The following BRD1 variants were observed in gnomAD, a reference collection of about 807,000 sequenced individuals.
BRD1 encodes the protein bromodomain-containing protein 1.
A neutral mutation model predicts 107.7 loss-of-function variants in BRD1; 24 were observed. That is an observed-to-expected ratio of 0.22 (90% CI 0.16 to 0.31). BRD1 has a LOEUF of 0.31. Among genes scored for constraint, BRD1 ranks in the 10% least tolerant of loss-of-function variants. BRD1 has a pLI of 1.00. For synonymous variants in BRD1, 744 were observed against 686.1 expected, an observed-to-expected ratio of 1.08 and a Z score of -1.32; for missense variants, 1,279 against 1,638.6, an observed-to-expected ratio of 0.78 and a Z score of 3.79.
Position 49,804,214 on chromosome 22 carries a change from C to T in BRD1, c.1514G>A (p.Ser505Asn), listed in dbSNP as rs34675972. The T allele has an allele frequency of 3.6e-5, 58 of 1,593,564 alleles. No individual in the cohort carries two copies. In the African/African-American group the frequency reaches 6.7e-4, roughly 18 times the overall value. ...CCACGAGCCACGTACCTGCTGTGAG[C>T]TTCGCTGAGACTGCAGGCTGGACTG... ...RLQSSLQSQR[S>N]SQQRENDEEM... The change falls in exon 3 of 13, where the codon AGC becomes AAC. Residue 505 changes from serine (S) to asparagine (N), a missense_variant. Around this residue, in one of 7 missense-constraint regions of BRD1, gnomAD observed 406 missense variants for 519.4 expected, o/e 0.78. Coordinates refer to ENST00000404760, the MANE Select transcript of BRD1 (RefSeq NM_001304808.3).
intron 8 of BRD1, among the ~76,000 whole-genome samples, chr22:49,786,544 A>G (rs977250788): frequency 3.3e-5 from 5 of 152,234 alleles, no homozygotes; most frequent in Non-Finnish European, 5.9e-5. Context: ...TGTGGCTAAG[A>G]GGGCCACATA....
chr22:49,812,690 G>A (rs1281340380), intron 2 of BRD1, among the ~76,000 whole-genome samples: 1 of 152,210 alleles, frequency 6.6e-6, no homozygotes. Flanking sequence ...ACTAATGTCG[G>A]GAGGACTCTA....
At position 49,777,730 on chromosome 22, in the gene BRD1, A is replaced by G; in HGVS notation, c.2941T>C (p.Cys981Arg). 6.2e-7 allele frequency: 1 copy of G among 1,607,790 alleles called. No individual in the cohort carries two copies. The highest frequency in any genetic ancestry group is 8.5e-7 in the Non-Finnish European group (1 of 1,178,248). ...LGRKATPRRRCASESSISSSN... is the reference protein window; with the variant it reads ...LGRKATPRRRRASESSISSSN... ...GAGGAGATGCTGGACTCGGAGGCACAGCGTCGTCGGGGTGTGGCCTTCCTC... is the reference window on the plus strand; with the variant it reads ...GAGGAGATGCTGGACTCGGAGGCACGGCGTCGTCGGGGTGTGGCCTTCCTC... Residue 981 changes from cysteine to arginine, a missense_variant, in exon 9 of 13, where the codon TGT (cysteine) becomes CGT (arginine). This residue lies in a region of BRD1 where 263 missense variants were observed against 251.6 expected (regional missense o/e 1.05). Coordinates refer to ENST00000404760, the MANE Select transcript of BRD1 (RefSeq NM_001304808.3).
chr22:49,789,817 C>T (rs906625759), intron 7 of BRD1, among the ~76,000 whole-genome samples: 14 of 152,224 alleles, frequency 9.2e-5, no homozygotes, highest in African/African-American at 3.4e-4. Flanking sequence ...CCCTGCCTTG[C>T]AGCAGGCCCT....
chr22:49,773,985 T>C lies in BRD1; in HGVS notation c.*248A>G. 2.6e-6 allele frequency: 1 copy of C among 380,488 alleles called. No homozygotes were observed. Among genetic ancestry groups the C allele is most frequent in the Admixed American group, 4.5e-5 (1 of 22,326 alleles). 23.6% of individuals were successfully genotyped at this position (380,488 alleles called of 1,614,324 possible). Reference sequence around the variant, plus strand: ...AGAAAAAGCTACATATCAAAGAAAGTGACGCCAGCAGCACGGCCTGGGGAC... The same window carrying C: ...AGAAAAAGCTACATATCAAAGAAAGCGACGCCAGCAGCACGGCCTGGGGAC... On this transcript the variant is annotated 3_prime_UTR_variant, in exon 13 of 13. Coordinates refer to ENST00000404760, the MANE Select transcript of BRD1 (RefSeq NM_001304808.3).
At chr22:49,820,261 T>C (rs762863212) in intron 2 of BRD1, among the ~76,000 whole-genome samples, 1 of 152,248 alleles carries the variant, frequency 6.6e-6, no homozygotes, top group Non-Finnish European at 1.5e-5. Context: ...AGGAAGATCC[T>C]CTTTCTCTAA....
intron 1 of BRD1, among the ~76,000 whole-genome samples, chr22:49,826,859 T>C (rs886956086): frequency 6.6e-5 from 10 of 152,126 alleles, no homozygotes; most frequent in African/African-American, 2.4e-4. Flanking sequence ...AACTCCCGCG[T>C]CCGCTCACAA....
intron 2 of BRD1, among the ~76,000 whole-genome samples, chr22:49,813,662 T>C (rs1447402267): frequency 1.3e-5 from 2 of 151,492 alleles, no homozygotes. Flanking sequence ...CGAAACCCCA[T>C]CTCTACTAAA....
At chr22:49,799,214 C>T (rs534687449) in intron 3 of BRD1, 95 bp from the exon 4 acceptor site, 38 of 1,499,760 alleles carry the variant, frequency 2.5e-5, no homozygotes, top group East Asian at 2.1e-4. Context: ...GAGGCATCCA[C>T]GTCAGGGGTC....
Position 49,787,535 on chromosome 22 carries a change from T to C in BRD1, c.2712A>G (p.Pro904=). The C allele has an allele frequency of 6.2e-7, 1 of 1,609,618 alleles. No homozygotes were observed. Among genetic ancestry groups the C allele is most frequent in the East Asian group, 2.2e-5 (1 of 44,592 alleles). Residue 904 remains proline, a synonymous_variant, in exon 8 of 13, where the codon CCA becomes CCG. Coordinates refer to ENST00000404760, the MANE Select transcript of BRD1 (RefSeq NM_001304808.3). ...PKSAKNTETQ[P]TSPQLGTKTF... ...TTTTGGTCCCTAGCTGAGGAGAAGT[T>C]GGCTGGGTTTCAGTGTTCTTGGCAG...
intron 12 of BRD1, 48 bp downstream of exon 12, chr22:49,775,543 C>A: frequency 7.4e-7 from 1 of 1,347,318 alleles, no homozygotes; most frequent in Non-Finnish European, 9.6e-7. Flanking sequence ...AGCCCACGGC[C>A]CCCAACCACC....
chr22:49,796,867 G>A (rs1474232927), intron 6 of BRD1, among the ~76,000 whole-genome samples: 5 of 152,376 alleles, frequency 3.3e-5, no homozygotes, highest in African/African-American at 1.2e-4. Context: ...TGGCGGGAAC[G>A]TGGAAGAGAG....
In BRD1 at chr22:49,823,022, C is replaced by G; in HGVS notation, c.1296G>C (p.Lys432Asn). Residue 432 changes from lysine (K) to asparagine (N), a missense_variant, in exon 2 of 13, where the codon AAG becomes AAC. Physicochemically the swap from Lys to Asn is moderately conservative, Grantham distance 94. This residue lies in a region of BRD1 where 87 missense variants were observed against 77.1 expected (regional missense o/e 1.13). Coordinates refer to ENST00000404760, the MANE Select transcript of BRD1 (RefSeq NM_001304808.3). Reference protein sequence around the residue: ...STSKVRKKAKKAKKALAEPCA... With the variant: ...STSKVRKKAKNAKKALAEPCA... Reference sequence around the variant, plus strand: ...AGGGCTCAGCCAGAGCTTTCTTAGCCTTTTTTGCCTTCTTCCTGACCTTGG... The same window carrying G: ...AGGGCTCAGCCAGAGCTTTCTTAGCGTTTTTTGCCTTCTTCCTGACCTTGG... The G allele has an allele frequency of 6.2e-7, 1 of 1,614,232 alleles. No individual in the cohort carries two copies. Among genetic ancestry groups the G allele is most frequent in the Non-Finnish European group, 8.5e-7 (1 of 1,180,044 alleles).
At position 49,777,639 on chromosome 22, in the gene BRD1, GGAGCTGCGTGGTGGGAAGCGC is replaced by G; in HGVS notation, c.2993+18_2993+38del. 6.3e-7 allele frequency: 1 copy of G among 1,588,556 alleles called. No homozygotes were observed. The highest frequency in any genetic ancestry group is 8.5e-7 in the Non-Finnish European group (1 of 1,170,778). Reference sequence around the variant, plus strand: ...CAGCCAGGCGGGGCGGGCGGTGCTGGGAGCTGCGTGGTGGGAAGCGCAGGGCCGCGGTGCCCACCTCGAGTC... The same window carrying G: ...CAGCCAGGCGGGGCGGGCGGTGCTGGAGGGCCGCGGTGCCCACCTCGAGTC... On this transcript the variant is annotated intron_variant, in intron 9 of 12. Transcript: ENST00000404760.
Position 49,776,152 on chromosome 22 carries a change from G to A in BRD1, c.3129C>T (p.Gly1043=). 1 of 1,604,118 alleles carries A rather than the reference G, an allele frequency of 6.2e-7. No individual in the cohort carries two copies. The highest frequency in any genetic ancestry group is 8.5e-7 in the Non-Finnish European group (1 of 1,179,664). ...AKAARIAAEV[G]QSSMWISTDA... ...CAGTGGAGATCCACATGCTGCTCTG[G>A]CCGACTTCTGCGGAGAGGGGCGTCA... Residue 1043 remains glycine (G), a synonymous_variant, in exon 11 of 13, where the codon GGC becomes GGT. Coordinates refer to ENST00000404760, the MANE Select transcript of BRD1 (RefSeq NM_001304808.3).
rs1569113184 is a variant in BRD1, at chr22:49,799,072, G to A, written c.1572C>T (p.Tyr524=). Residue 524 remains tyrosine (Y), a synonymous_variant, in exon 4 of 13, where the codon TAC becomes TAT. Transcript: ENST00000404760. ...EMKAAKEKLK[Y]WQRLRHDLER... ...CCAGGTCGTGCCGCAGCCGCTGCCA[G>A]TACTTCAGCTTCTCTTTGGCAGCCT... 2 of 1,610,994 alleles carry A rather than the reference G, an allele frequency of 1.2e-6. No individual in the cohort carries two copies. The highest frequency in any genetic ancestry group is 1.1e-5 in the South Asian group (1 of 91,086).
intron 2 of BRD1, among the ~76,000 whole-genome samples, chr22:49,819,668 C>T (rs2060026030): frequency 6.6e-6 from 1 of 150,548 alleles, no homozygotes; most frequent in Non-Finnish European, 1.5e-5. Context: ...CCAGGCTGGT[C>T]TCGAACTCCT....
rs534041206 is a variant in BRD1 at position 49,807,224 on chromosome 22, A to G, written c.1368-2864T>C. 9 of 152,350 alleles carry G rather than the reference A, an allele frequency of 5.9e-5. No homozygotes were observed. In the South Asian group the frequency reaches 1.2e-3, roughly 21 times the overall value. The allele number at this position is 152,350 out of a possible 1,614,324, so 9.4% of individuals were successfully genotyped here. A position where few individuals can be genotyped will look rare whatever the true frequency, so the allele number is the denominator to read the frequency against. ...CCACCGAAAGTGATCTACAGATCCAATGCAATTCCTATCAAAATACCAATG... is the reference window on the plus strand; with the variant it reads ...CCACCGAAAGTGATCTACAGATCCAGTGCAATTCCTATCAAAATACCAATG... On this transcript the variant is annotated intron_variant, in intron 2 of 12. Transcript: ENST00000404760.
At position 49,773,895 on chromosome 22, in the gene BRD1, T is replaced by G. The variant is rs564609750; in HGVS notation, c.*338A>C. The G allele has an allele frequency of 9.4e-4, 182 of 193,828 alleles. No individual in the cohort carries two copies. The highest frequency in any genetic ancestry group is 1.7e-3 in the Middle Eastern group (1 of 580). The allele number at this position is 193,828 out of a possible 1,614,324, so 12.0% of individuals were successfully genotyped here. The stretch of plus-strand genomic sequence containing the variant: ...ATTGTAAATTTACATCCCGTCTTAT[T>G]AAATAAGTGGTACTCTGTGTAAAGA... On this transcript the variant is annotated 3_prime_UTR_variant, in exon 13 of 13. Coordinates refer to ENST00000404760, the MANE Select transcript of BRD1 (RefSeq NM_001304808.3).
Sources: allele counts gnomAD v4.1 joint callset (sites outside exome capture counted in the v4.1 genomes callset), GRCh38; gene constraint gnomAD v4.1.1; regional missense constraint gnomAD v4.1.1; transcripts MANE v1.5; gene names NCBI Gene and HGNC (gene_info 2026-07-23, HGNC 2026-07-21).